FLVCR2: variants seen among roughly 807,000 people sequenced by gnomAD.
FLVCR2 encodes FLVCR choline and putative heme transporter 2.
In FLVCR2, 38 loss-of-function variants were observed where a neutral mutation model predicts 48.9. That is an observed-to-expected ratio of 0.78 (90% CI 0.60 to 1.02). The LOEUF (loss-of-function observed/expected upper bound fraction) is 1.02. Ranked by LOEUF, FLVCR2 falls within the 50% of genes least tolerant of loss-of-function variation. The pLI is 0.00. For synonymous variants in FLVCR2, 255 were observed against 257.0 expected, an observed-to-expected ratio of 0.99 and a Z score of 0.07; for missense variants, 664 against 663.3, an observed-to-expected ratio of 1.00 and a Z score of -0.01.
intron 1 of FLVCR2, among the ~76,000 whole-genome samples, chr14:75,619,048 A>G (rs1237946406): frequency 6.6e-6 from 1 of 151,910 alleles, no homozygotes; most frequent in Non-Finnish European, 1.5e-5. Context: ...ACATGGGGAA[A>G]CCCTGTCTCT....
chr14:75,585,464 A>G (rs1176013324), intron 1 of FLVCR2, among the ~76,000 whole-genome samples: 1 of 152,204 alleles, frequency 6.6e-6, no homozygotes, highest in Non-Finnish European at 1.5e-5. Context: ...TCTTGAGAAC[A>G]CAGGCTAAGG....
intron 1 of FLVCR2, among the ~76,000 whole-genome samples, chr14:75,602,192 C>A (rs1192343415): frequency 3.3e-5 from 5 of 152,210 alleles, no homozygotes; most frequent in Non-Finnish European, 7.4e-5. Flanking sequence ...CTCAACTGTT[C>A]AAGAGATTTT....
rs1888527167 is a variant in FLVCR2, at chr14:75,579,085, G to C, written c.113G>C (p.Ser38Thr). ...CATCCCAGCGTCTCGGTCCATCCCA[G>C]CGTCTCCATCAACCCCAGCGTCTCT... Reference protein sequence around the residue: ...SVHPSVSVHPSVSINPSVSVH... With the variant: ...SVHPSVSVHPTVSINPSVSVH... Residue 38 changes from serine (S) to threonine (T), a missense_variant, in exon 1 of 10, where the codon AGC becomes ACC. Transcript: ENST00000238667. The C allele has an allele frequency of 6.2e-7, 1 of 1,614,012 alleles. No individual in the cohort carries two copies. Among genetic ancestry groups the C allele is most frequent in the Non-Finnish European group, 8.5e-7 (1 of 1,179,972 alleles).
chr14:75,641,692 T>A (rs938335270), intron 8 of FLVCR2, 151 bp from the exon 9 acceptor site: 1 of 740,768 alleles, frequency 1.3e-6, no homozygotes, highest in East Asian at 2.7e-5. Context: ...CTCTCTCAAA[T>A]TGGCTGATGG....
At chr14:75,591,696 T>C (rs1032180255) in intron 1 of FLVCR2, among the ~76,000 whole-genome samples, 1 of 152,124 alleles carries the variant, frequency 6.6e-6, no homozygotes, top group Non-Finnish European at 1.5e-5. Flanking sequence ...AGTCCTCTGC[T>C]GTGGCCTCAC....
chr14:75,584,321 T>A (rs1888684456), intron 1 of FLVCR2, among the ~76,000 whole-genome samples: 1 of 152,204 alleles, frequency 6.6e-6, no homozygotes, highest in Non-Finnish European at 1.5e-5. Context: ...GCGAGGTTGA[T>A]TAATTCCTGT....
At chr14:75,600,314 T>C (rs1439425670) in intron 1 of FLVCR2, among the ~76,000 whole-genome samples, 1 of 152,236 alleles carries the variant, frequency 6.6e-6, no homozygotes, top group African/African-American at 2.4e-5. Context: ...TGCCCACCCC[T>C]TTCCCGGAAA....
At chr14:75,633,735 T>C (rs1890100582) in intron 4 of FLVCR2, 39 bp downstream of exon 4, 14 of 1,500,802 alleles carry the variant, frequency 9.3e-6, no homozygotes, top group Non-Finnish European at 1.3e-5. Flanking sequence ...CTCAAGATGA[T>C]ATAGTTTCTA....
At chr14:75,583,045 G>T (rs1349348771) in intron 1 of FLVCR2, among the ~76,000 whole-genome samples, 2 of 152,172 alleles carry the variant, frequency 1.3e-5, no homozygotes, top group Non-Finnish European at 2.9e-5. Context: ...TGGCAGTACA[G>T]CCCAGATAAG....
chr14:75,647,581 C>T lies in FLVCR2; in HGVS notation c.*1109C>T, dbSNP rs975061500. On this transcript the variant is annotated 3_prime_UTR_variant, in exon 10 of 10. Coordinates refer to ENST00000238667, the MANE Select transcript of FLVCR2 (RefSeq NM_017791.3). ...TTTGCACCACCAACCCCTCTCCTCACCTGCTTTGAGCGATAATCTTTATCA... is the reference window on the plus strand; with the variant it reads ...TTTGCACCACCAACCCCTCTCCTCATCTGCTTTGAGCGATAATCTTTATCA... The T allele has an allele frequency of 6.6e-6, 1 of 152,644 alleles. No individual in the cohort carries two copies. The highest frequency in any genetic ancestry group is 2.4e-5 in the African/African-American group (1 of 41,448). 9.5% of individuals were successfully genotyped at this position (152,644 alleles called of 1,614,324 possible). A position where few individuals can be genotyped will look rare whatever the true frequency, so the allele number is the denominator to read the frequency against.
intron 1 of FLVCR2, among the ~76,000 whole-genome samples, chr14:75,610,325 C>A (rs945964549): frequency 2.0e-5 from 3 of 152,186 alleles, no homozygotes; most frequent in African/African-American, 7.2e-5. Flanking sequence ...AGGACAACTT[C>A]AAGGGGAACA....
chr14:75,641,899 G>A lies in FLVCR2; in HGVS notation c.1509+1G>A, dbSNP rs761586732. 5.0e-6 allele frequency: 8 copies of A among 1,613,702 alleles called. No homozygotes were observed. The highest frequency in any genetic ancestry group is 2.2e-5 in the South Asian group (2 of 91,086). Reference sequence around the variant, plus strand: ...AGCAAACAAAGAAACTCTTGAGAACGTGAGTATATGGGAGCTTTGTGGGGC... The same window carrying A: ...AGCAAACAAAGAAACTCTTGAGAACATGAGTATATGGGAGCTTTGTGGGGC... On this transcript the variant is annotated splice_donor_variant, in intron 9 of 9. Coordinates refer to ENST00000238667, the MANE Select transcript of FLVCR2 (RefSeq NM_017791.3). LOFTEE classifies it high-confidence loss of function.
At chr14:75,608,508 T>C (rs773715061) in intron 1 of FLVCR2, among the ~76,000 whole-genome samples, 59 of 152,160 alleles carry the variant, frequency 3.9e-4, no homozygotes, top group Non-Finnish European at 6.5e-4. Context: ...TGTGGTGGCA[T>C]AGCACAGAAC....
chr14:75,622,831 AAATTATAAG>A (rs1331607693), intron 2 of FLVCR2, among the ~76,000 whole-genome samples: 4 of 152,220 alleles, frequency 2.6e-5, no homozygotes, highest in Non-Finnish European at 5.9e-5. Context: ...CCTTTTAAAA[AAATTATAAG>A]AGTAACATAT....
intron 1 of FLVCR2, among the ~76,000 whole-genome samples, chr14:75,604,977 C>T (rs1262454762): frequency 1.3e-5 from 2 of 152,172 alleles, no homozygotes; most frequent in South Asian, 4.1e-4. Context: ...TGGGTCAACC[C>T]CTATGCCTGT....
intron 3 of FLVCR2, 149 bp from the exon 4 acceptor site, chr14:75,633,480 C>T: frequency 1.3e-6 from 1 of 740,804 alleles, no homozygotes; most frequent in East Asian, 2.5e-5. Flanking sequence ...TAGCCTCAGA[C>T]CTCCCTGGAG....
At position 75,646,451 on chromosome 14, in the gene FLVCR2, T is replaced by A; in HGVS notation, c.1560T>A (p.Ala520=). 2 of 1,613,728 alleles carry A rather than the reference T, an allele frequency of 1.2e-6. No homozygotes were observed. The highest frequency in any genetic ancestry group is 1.7e-6 in the Non-Finnish European group (2 of 1,179,644). ...GCAACACCAGCAAAGTGCCCACTGC[T>A]GTGTCAGAGGATCATCTCTGAGAGG... ...EESNTSKVPT[A]VSEDHL is the part of the protein sequence containing the mutation. The change falls in exon 10 of 10, where the codon GCT becomes GCA. Residue 520 remains alanine, a synonymous_variant. Coordinates refer to ENST00000238667, the MANE Select transcript of FLVCR2 (RefSeq NM_017791.3).
rs1345781311 is a variant in FLVCR2, at chr14:75,622,176, T to C, written c.767T>C (p.Ile256Thr). 3 of 1,613,806 alleles carry C rather than the reference T, an allele frequency of 1.9e-6. No individual in the cohort carries two copies. Among genetic ancestry groups the C allele is most frequent in the East Asian group, 2.2e-5 (1 of 44,886 alleles). The change falls in exon 2 of 10, where the codon ATA becomes ACA. Residue 256 changes from isoleucine (I) to threonine (T), a missense_variant. Coordinates refer to ENST00000238667, the MANE Select transcript of FLVCR2 (RefSeq NM_017791.3). Reference sequence around the variant, plus strand: ...TACCACATCAGCATCATGTTCTATATAATAGGAGGTGTGGCCACTCTCCTC... The same window carrying C: ...TACCACATCAGCATCATGTTCTATACAATAGGAGGTGTGGCCACTCTCCTC... ...LAYHISIMFY[I>T]IGGVATLLLI...
intron 3 of FLVCR2, among the ~76,000 whole-genome samples, chr14:75,630,337 G>T (rs1566794652): frequency 1.3e-5 from 2 of 152,094 alleles, no homozygotes; most frequent in African/African-American, 4.8e-5. Context: ...CTGGGAGCCT[G>T]GGTCTGGTCC....
Sources: gnomAD v4.1 joint callset for allele counts (sites outside exome capture counted in the v4.1 genomes callset) on GRCh38, gnomAD v4.1.1 for gene constraint, MANE v1.5 for transcripts, NCBI Gene and HGNC (gene_info 2026-07-23, HGNC 2026-07-21) for gene names.